The following LINGO2 variants were observed in gnomAD, a reference collection of about 807,000 sequenced individuals.
LINGO2 encodes the protein leucine-rich repeat and immunoglobulin-like domain-containing nogo receptor-interacting protein 2.
LINGO2 carries 14 observed loss-of-function variants against 30.6 expected under a neutral mutation model. The ratio of observed to expected loss-of-function variants is 0.46; its 90% CI spans 0.30 to 0.72. The LOEUF (loss-of-function observed/expected upper bound fraction) is 0.72. Ranked by LOEUF, LINGO2 falls within the 30% of genes least tolerant of loss-of-function variation. The pLI is 0.07. For synonymous variants in LINGO2, 317 were observed against 288.5 expected, an observed-to-expected ratio of 1.10 and a Z score of -1.00; for missense variants, 729 against 751.7, an observed-to-expected ratio of 0.97 and a Z score of 0.35.
chr9:28,134,232 CT>C lies in LINGO2; in HGVS notation c.-86-121828del, dbSNP rs543496216. On this transcript the variant is annotated intron_variant, in intron 4 of 5. Coordinates refer to ENST00000379992, the Ensembl canonical transcript of LINGO2. ...TTGTCCCCAAACAACCCATTTTTCA[CT>C]TAGCAGCCACAGTGATCATTAAAAA... Among the ~76,000 whole-genome samples the C allele has an allele frequency of 2.4e-3, 358 of 152,226 alleles. 4 individuals are homozygous for C. Among genetic ancestry groups the C allele is most frequent in the African/African-American group, 8.4e-3 (349 of 41,534 alleles).
the LINGO2 span, among the ~76,000 whole-genome samples, chr9:28,799,381 G>T: frequency 1.3e-5 from 2 of 151,866 alleles, no homozygotes. Context: ...GATATGAAGG[G>T]GTGTGAAAAA....
chr9:28,716,753 T>C, the LINGO2 span, among the ~76,000 whole-genome samples: 3 of 152,124 alleles, frequency 2.0e-5, no homozygotes, highest in South Asian at 4.1e-4. Context: ...CAAGATGATA[T>C]AGCAACCCAA....
At chr9:28,443,489 T>C (rs571071591) in intron 2 of LINGO2, among the ~76,000 whole-genome samples, 9 of 152,310 alleles carry the variant, frequency 5.9e-5, no homozygotes, top group African/African-American at 1.9e-4. Context: ...CCTTGTGCTG[T>C]TGGGGCCCTG....
chr9:28,227,188 A>G (rs2133921717), intron 4 of LINGO2, among the ~76,000 whole-genome samples: 1 of 152,234 alleles, frequency 6.6e-6, no homozygotes, highest in South Asian at 2.1e-4. Context: ...AAGCTCTGAT[A>G]ATGTATGCAA....
intron 2 of LINGO2, among the ~76,000 whole-genome samples, chr9:28,437,549 GCACA>G (rs58406750): frequency 0.66 from 97,754 of 147,506 alleles, 32,004 homozygotes; most frequent in South Asian, 0.75. Context: ...ACACACAGAC[GCACA>G]CACACACACA....
In LINGO2 at chr9:28,129,846, C is replaced by A. The variant is rs117446805; in HGVS notation, c.-86-117441G>T. On this transcript the variant is annotated intron_variant, in intron 4 of 5. Transcript: ENST00000379992. The surrounding 1 kb of genome is among the most constrained non-coding windows in gnomAD (Gnocchi z 4.0). ...GAAGGTGAAAACATTCATAGCAGAA[C>A]ACTTGGAAAATAAAGAAACATGCAT... 0.027 allele frequency among the ~76,000 whole-genome samples: 4,115 copies of A among 152,244 alleles called. 96 individuals carry two copies. The highest frequency in any genetic ancestry group is 0.048 in the Middle Eastern group (14 of 294).
At chr9:28,590,198 A>G (rs1261862393) in intron 1 of LINGO2, among the ~76,000 whole-genome samples, 1 of 152,274 alleles carries the variant, frequency 6.6e-6, no homozygotes, top group African/African-American at 2.4e-5. Context: ...AAACCATAAA[A>G]ACCCTAGAAG....
the LINGO2 span, among the ~76,000 whole-genome samples, chr9:28,757,763 G>T: frequency 6.6e-6 from 1 of 151,700 alleles, no homozygotes; most frequent in Non-Finnish European, 1.5e-5. Flanking sequence ...TGAGGGAGAG[G>T]GTCAGCAACT....
chr9:29,179,026 G>GAT, the LINGO2 span, among the ~76,000 whole-genome samples: 1 of 151,220 alleles, frequency 6.6e-6, no homozygotes, highest in Non-Finnish European at 1.5e-5. Context: ...GACTCAAAGG[G>GAT]ATATAGGCTG....
At chr9:28,856,523 G>C in the LINGO2 span, among the ~76,000 whole-genome samples, 182 of 151,994 alleles carry the variant, frequency 1.2e-3, 1 homozygote, top group Non-Finnish European at 1.5e-4. Flanking sequence ...CTGAAGAATG[G>C]GTAAAATTTA....
the LINGO2 span, among the ~76,000 whole-genome samples, chr9:29,081,583 G>A: frequency 6.6e-6 from 1 of 152,068 alleles, no homozygotes; most frequent in Non-Finnish European, 1.5e-5. Context: ...TCTGGCTAGG[G>A]GAATCAGGCA....
At chr9:28,466,142 T>C (rs895234606) in intron 2 of LINGO2, among the ~76,000 whole-genome samples, 1 of 152,096 alleles carries the variant, frequency 6.6e-6, no homozygotes, top group African/African-American at 2.4e-5. Flanking sequence ...CAAAGCAGTA[T>C]ATTGAAGAGA....
intron 4 of LINGO2, among the ~76,000 whole-genome samples, chr9:28,284,776 T>C (rs1216199808): frequency 1.3e-5 from 2 of 152,204 alleles, no homozygotes; most frequent in Non-Finnish European, 2.9e-5. Flanking sequence ...TAATGCATTT[T>C]ATGATCCAAA....
the LINGO2 span, among the ~76,000 whole-genome samples, chr9:28,949,002 G>A: frequency 6.6e-6 from 1 of 151,842 alleles, no homozygotes; most frequent in African/African-American, 2.4e-5. Context: ...TTCACTTCAG[G>A]TACAGACTTT....
intron 1 of LINGO2, among the ~76,000 whole-genome samples, chr9:28,612,456 T>C (rs1453434790): frequency 6.6e-6 from 1 of 152,154 alleles, no homozygotes; most frequent in Non-Finnish European, 1.5e-5. Context: ...AGGGGGGCTA[T>C]GTCCTGGAAA....
At chr9:28,670,548 G>A (rs918272273), upstream of LINGO2, among the ~76,000 whole-genome samples, 1 of 152,250 alleles carries the variant, frequency 6.6e-6, no homozygotes, top group African/African-American at 2.4e-5. Flanking sequence ...ATTTTACTGA[G>A]AAAGGCTGTT....
chr9:29,017,861 C>A, the LINGO2 span, among the ~76,000 whole-genome samples: 2 of 151,836 alleles, frequency 1.3e-5, no homozygotes, highest in Non-Finnish European at 2.9e-5. Flanking sequence ...CAGAGACTTC[C>A]ATGGGTCTTG....
chr9:28,494,972 T>C (rs561483374), intron 1 of LINGO2, among the ~76,000 whole-genome samples: 91 of 152,224 alleles, frequency 6.0e-4, no homozygotes, highest in Non-Finnish European at 1.2e-3. Flanking sequence ...TGGCCAGTGA[T>C]GATGAGCATT....
At chr9:28,692,738 T>C in the LINGO2 span, among the ~76,000 whole-genome samples, 1 of 152,108 alleles carries the variant, frequency 6.6e-6, no homozygotes, top group Non-Finnish European at 1.5e-5. Context: ...TGCCTCATGT[T>C]GGGTGGCACT....
Sources: allele counts gnomAD v4.1 joint callset (sites outside exome capture counted in the v4.1 genomes callset), GRCh38; gene constraint gnomAD v4.1.1; non-coding constraint Gnocchi (gnomAD v3.1); transcripts MANE v1.5; gene names NCBI Gene and HGNC (gene_info 2026-07-23, HGNC 2026-07-21).